Variants in GOLM1 observed in about 807,000 individuals in gnomAD.
GOLM1 encodes epididymis luminal protein 46.
A neutral mutation model predicts 50.5 loss-of-function variants in GOLM1; 31 were observed. That is an observed-to-expected ratio of 0.61 (90% CI 0.46 to 0.83). The LOEUF (loss-of-function observed/expected upper bound fraction) is 0.83, where lower values mean the gene tolerates loss of function less well. Ranked by LOEUF, GOLM1 falls within the 40% of genes least tolerant of loss-of-function variation. The probability of loss-of-function intolerance (pLI) is 0.00; values close to 1 mark genes in which losing one functional copy is unlikely to be tolerated. For missense variants in GOLM1, 491 were observed against 501.3 expected, an observed-to-expected ratio of 0.98 and a Z score of 0.20; for synonymous variants, 178 against 192.8, an observed-to-expected ratio of 0.92 and a Z score of 0.64.
intron 3 of GOLM1, among the ~76,000 whole-genome samples, chr9:86,053,221 A>C (rs1223711473): frequency 1.7e-5 from 2 of 117,610 alleles, no homozygotes; most frequent in Non-Finnish European, 1.7e-5. Flanking sequence ...ACATCACACC[A>C]CTCCACACCA....
Position 86,026,563 on chromosome 9 carries a change from C to G in GOLM1, c.*1254G>C, listed in dbSNP as rs1306348684. On this transcript the variant is annotated 3_prime_UTR_variant, in exon 10 of 10. Transcript: ENST00000388712. ...AAATAAGAGGGTTGGATCAAACGAT[C>G]TCTGGGGCCTTAGCATCTCAAATCC... 2.2e-6 allele frequency: 2 copies of G among 914,006 alleles called. No homozygotes were observed. Among genetic ancestry groups the G allele is most frequent in the Non-Finnish European group, 2.6e-6 (2 of 764,888 alleles). The allele number at this position is 914,006 out of a possible 1,614,324, so 56.6% of individuals were successfully genotyped here. A position where few individuals can be genotyped will look rare whatever the true frequency, so the allele number is the denominator to read the frequency against.
At chr9:86,070,202 GA>G (rs1031934744) in intron 3 of GOLM1, among the ~76,000 whole-genome samples, 1 of 151,960 alleles carries the variant, frequency 6.6e-6, no homozygotes, top group African/African-American at 2.4e-5. Flanking sequence ...TCTTTTTAGA[GA>G]AAAAAACAAA....
rs1832827656 is a variant in GOLM1, at chr9:86,027,660, T to G, written c.*157A>C. ...AAAGCTGTTTAAAAGACCATTCCAT[T>G]TTTTCCTACACAAAGTGCATACTAA... On this transcript the variant is annotated 3_prime_UTR_variant, in exon 10 of 10. Coordinates refer to ENST00000388712, the MANE Select transcript of GOLM1 (RefSeq NM_016548.4). 5 of 1,403,434 alleles carry G rather than the reference T, an allele frequency of 3.6e-6. No homozygotes were observed. Among genetic ancestry groups the G allele is most frequent in the Admixed American group, 3.3e-5 (1 of 30,562 alleles). The allele number at this position is 1,403,434 out of a possible 1,614,324, so 86.9% of individuals were successfully genotyped here.
intron 1 of GOLM1, among the ~76,000 whole-genome samples, chr9:86,096,892 C>T (rs559449657): frequency 6.6e-6 from 1 of 151,914 alleles, no homozygotes; most frequent in Non-Finnish European, 1.5e-5. Flanking sequence ...AGTTGGGAAA[C>T]GATAGCAAAT....
intron 3 of GOLM1, among the ~76,000 whole-genome samples, chr9:86,075,224 T>A (rs1187794155): frequency 6.6e-6 from 1 of 152,244 alleles, no homozygotes; most frequent in Non-Finnish European, 1.5e-5. Context: ...ACTTGTTGTT[T>A]ATACGCTGCT....
intron 1 of GOLM1, among the ~76,000 whole-genome samples, chr9:86,087,098 T>A (rs1486729080): frequency 6.6e-6 from 1 of 152,234 alleles, no homozygotes; most frequent in Non-Finnish European, 1.5e-5. Context: ...GGAATGTTTC[T>A]CCATTTGTTC....
In GOLM1 at chr9:86,026,186, G is replaced by A. The variant is rs915297415; in HGVS notation, c.*1631C>T. On this transcript the variant is annotated 3_prime_UTR_variant, in exon 10 of 10. Transcript: ENST00000388712. Reference sequence around the variant, plus strand: ...ATTTTATTTCTCAGCAATTCTATGCGTACAAATTAAACATGAGATGAATAG... The same window carrying A: ...ATTTTATTTCTCAGCAATTCTATGCATACAAATTAAACATGAGATGAATAG... 2.7e-5 allele frequency: 26 copies of A among 980,856 alleles called. No homozygotes were observed. Among genetic ancestry groups the A allele is most frequent in the Admixed American group, 6.2e-5 (1 of 16,258 alleles). The allele number at this position is 980,856 out of a possible 1,614,324, so 60.8% of individuals were successfully genotyped here.
intron 1 of GOLM1, among the ~76,000 whole-genome samples, chr9:86,087,669 G>A (rs186588903): frequency 1.8e-4 from 28 of 152,202 alleles, no homozygotes; most frequent in Admixed American, 6.5e-4. Context: ...GAATTTGATC[G>A]AAGGCCTTTT....
intron 4 of GOLM1, among the ~76,000 whole-genome samples, chr9:86,050,457 C>T (rs184682425): frequency 5.5e-4 from 83 of 152,214 alleles, no homozygotes; most frequent in African/African-American, 1.8e-3. Flanking sequence ...GCTCTTTGTA[C>T]CTCTGGCAGA....
chr9:86,027,995 G>A (rs951170776), intron 9 of GOLM1, 102 bp from the exon 10 acceptor site: 2 of 658,018 alleles, frequency 3.0e-6, no homozygotes, highest in Non-Finnish European at 5.2e-6. Context: ...GTCATAAAGA[G>A]GACTGCATCT....
At chr9:86,029,257 C>G (rs1243798616) in intron 9 of GOLM1, among the ~76,000 whole-genome samples, 1 of 151,878 alleles carries the variant, frequency 6.6e-6, no homozygotes, top group East Asian at 1.9e-4. Flanking sequence ...GTAACAGTGA[C>G]ATAATGCCCC....
chr9:86,044,202 G>T (rs1052340577), intron 5 of GOLM1, among the ~76,000 whole-genome samples: 1 of 152,176 alleles, frequency 6.6e-6, no homozygotes, highest in African/African-American at 2.4e-5. Context: ...ATTGCCAAAG[G>T]CCTACTGGGG....
Position 86,071,986 on chromosome 9 carries a change from T to C in GOLM1, c.309+5426A>G, listed in dbSNP as rs533149511. On this transcript the variant is annotated intron_variant, in intron 3 of 9. Coordinates refer to ENST00000388712, the MANE Select transcript of GOLM1 (RefSeq NM_016548.4). ...TATACAAAGAAAGAGGGTACAGCAG[T>C]GAGAAAGAATGAACTAAATCTATCA... Among the ~76,000 whole-genome samples the C allele has an allele frequency of 1.6e-3, 241 of 152,118 alleles. 1 individual carries two copies. Among genetic ancestry groups the C allele is most frequent in the Middle Eastern group, 0.01 (3 of 292 alleles).
rs7854012 is a variant in GOLM1, at chr9:86,092,326, C to A, written c.-22+7085G>T. ...TGAGGAAACAGTGATGCATGTTTTC[C>A]TTCCATAACCATTCTACTTTATAGC... On this transcript the variant is annotated intron_variant, in intron 1 of 9. Coordinates refer to ENST00000388712, the MANE Select transcript of GOLM1 (RefSeq NM_016548.4). Among the ~76,000 whole-genome samples the A allele has an allele frequency of 2.9e-3, 435 of 152,124 alleles. 3 individuals are homozygous for A. Among genetic ancestry groups the A allele is most frequent in the African/African-American group, 0.01 (424 of 41,490 alleles).
chr9:86,030,870 A>G (rs1444981406), intron 9 of GOLM1, among the ~76,000 whole-genome samples: 1 of 152,248 alleles, frequency 6.6e-6, no homozygotes, highest in South Asian at 2.1e-4. Flanking sequence ...GGTAAAAAAA[A>G]TGTAAGTATT....
rs1036493255 is a variant in GOLM1, at chr9:86,036,349, T to C, written c.756A>G (p.Lys252=). ...VVLDSKRQVE[K]EETNEIQVVN... ...GGGCAACTGCTGGGCTCTGCTTACC[T>C]TTCTCAACTTGTCTCTTTGAATCCA... Residue 252 remains lysine (K), a splice_region_variant and synonymous_variant, in exon 7 of 10, where the codon AAA becomes AAG. Coordinates refer to ENST00000388712, the MANE Select transcript of GOLM1 (RefSeq NM_016548.4). 3 of 1,614,214 alleles carry C rather than the reference T, an allele frequency of 1.9e-6. No homozygotes were observed. The highest frequency in any genetic ancestry group is 1.3e-5 in the African/African-American group (1 of 75,078).
At chr9:86,043,812 G>A (rs528551265) in intron 5 of GOLM1, among the ~76,000 whole-genome samples, 11 of 152,350 alleles carry the variant, frequency 7.2e-5, no homozygotes, top group African/African-American at 2.2e-4. Flanking sequence ...TACATGGGGA[G>A]CAGAGATTCC....
chr9:86,036,264 A>T, intron 7 of GOLM1, 84 bp downstream of exon 7: 1 of 1,419,088 alleles, frequency 7.0e-7, no homozygotes, highest in Non-Finnish European at 1.0e-6. Flanking sequence ...GGGTTCACTG[A>T]CTGCCTCAGC....
intron 5 of GOLM1, among the ~76,000 whole-genome samples, chr9:86,041,781 G>A (rs1247028844): frequency 1.3e-5 from 2 of 152,134 alleles, no homozygotes; most frequent in African/African-American, 2.4e-5. Context: ...GTATGGGAGG[G>A]AGCCCCTTAA....
Sources: gnomAD v4.1 joint callset for allele counts (sites outside exome capture counted in the v4.1 genomes callset) on GRCh38, gnomAD v4.1.1 for gene constraint, MANE v1.5 for transcripts, NCBI Gene and HGNC (gene_info 2026-07-23, HGNC 2026-07-21) for gene names.